The following KIF26B variants were observed in gnomAD, a reference collection of about 807,000 sequenced individuals.
KIF26B encodes the protein kinesin family member 26B.
A neutral mutation model predicts 151.2 loss-of-function variants in KIF26B; 63 were observed. The observed-to-expected ratio is 0.42, with a 90% CI of 0.34 to 0.51. The LOEUF (loss-of-function observed/expected upper bound fraction) is 0.51, where lower values mean the gene tolerates loss of function less well. Ranked by LOEUF, KIF26B falls within the 20% of genes least tolerant of loss-of-function variation. The pLI is 0.07. For synonymous variants in KIF26B, 1,357 were observed against 1,262.1 expected (o/e 1.08, Z -1.59); for missense variants, 2,813 against 2,913.6 (o/e 0.97, Z 0.79).
intron 4 of KIF26B, among the ~76,000 whole-genome samples, chr1:245,504,342 C>CCCTA (rs1405142550): frequency 1.1e-5 from 1 of 89,536 alleles, no homozygotes; most frequent in Non-Finnish European, 2.5e-5. Flanking sequence ...TTCCCTCCTT[C>CCCTA]CCTCCCTCCC....
intron 4 of KIF26B, among the ~76,000 whole-genome samples, chr1:245,501,875 T>C (rs1341107466): frequency 1.3e-5 from 2 of 152,218 alleles, no homozygotes; most frequent in Non-Finnish European, 2.9e-5. Context: ...TACATTGTGC[T>C]ACCCTGATAT....
chr1:245,544,715 T>A (rs796239584), intron 5 of KIF26B, among the ~76,000 whole-genome samples: 2 of 152,072 alleles, frequency 1.3e-5, no homozygotes, highest in Non-Finnish European at 2.9e-5. Flanking sequence ...GGAACTGCAG[T>A]GGTAGCAAAA....
chr1:245,549,126 C>CGT (rs1180008556), intron 5 of KIF26B, among the ~76,000 whole-genome samples: 1 of 151,852 alleles, frequency 6.6e-6, no homozygotes, highest in East Asian at 1.9e-4. Context: ...TGTGTGTGCA[C>CGT]GTGTGTGTGT....
At chr1:245,439,346 C>CAAAAAAAA (rs777808376) in intron 4 of KIF26B, among the ~76,000 whole-genome samples, 30 of 131,690 alleles carry the variant, frequency 2.3e-4, no homozygotes, top group Non-Finnish European at 3.0e-4. Context: ...GACCCTGTCT[C>CAAAAAAAA]AAAAAAAAAA....
intron 2 of KIF26B, among the ~76,000 whole-genome samples, chr1:245,177,266 C>T (rs920428599): frequency 1.3e-5 from 2 of 152,240 alleles, no homozygotes; most frequent in African/African-American, 4.8e-5. Context: ...GTCACTGCAC[C>T]TGTCCCATTC....
chr1:245,452,095 C>A (rs1005908203), intron 4 of KIF26B, among the ~76,000 whole-genome samples: 8 of 152,034 alleles, frequency 5.3e-5, no homozygotes, highest in Non-Finnish European at 1.0e-4. Flanking sequence ...GTAATAACTC[C>A]CCACTCTCCT....
Position 245,232,090 on chromosome 1 carries a change from T to C in KIF26B, c.465+75407T>C, listed in dbSNP as rs530870857. On this transcript the variant is annotated intron_variant, in intron 2 of 14. Coordinates refer to ENST00000407071, the MANE Select transcript of KIF26B (RefSeq NM_018012.4). ...GAAAGAGGGCTTCATGTTTCAGAGA[T>C]TAATCGGACGTATCCATCCATAAGA... Among the ~76,000 whole-genome samples the C allele has an allele frequency of 2.7e-4, 41 of 152,312 alleles. No individual in the cohort carries two copies. In the South Asian group the frequency reaches 8.3e-3, roughly 31 times the overall value.
At chr1:245,484,116 C>T (rs1002488724) in intron 4 of KIF26B, among the ~76,000 whole-genome samples, 1 of 151,756 alleles carries the variant, frequency 6.6e-6, no homozygotes, top group African/African-American at 2.4e-5. Context: ...GGTTTGATTT[C>T]TGCTTACACC....
intron 2 of KIF26B, among the ~76,000 whole-genome samples, chr1:245,240,700 T>G (rs1370824143): frequency 6.6e-6 from 1 of 152,144 alleles, no homozygotes; most frequent in Non-Finnish European, 1.5e-5. Flanking sequence ...GAAGTTTTAG[T>G]GAGATATAGC....
intron 4 of KIF26B, among the ~76,000 whole-genome samples, chr1:245,434,438 T>C (rs1658854447): frequency 6.6e-6 from 1 of 152,172 alleles, no homozygotes; most frequent in African/African-American, 2.4e-5. Flanking sequence ...TGCAGCTCCA[T>C]CACTCACCAT....
intron 2 of KIF26B, among the ~76,000 whole-genome samples, chr1:245,254,096 C>T (rs1472892591): frequency 6.6e-6 from 1 of 152,174 alleles, no homozygotes; most frequent in Non-Finnish European, 1.5e-5. Flanking sequence ...AGGCGTGAGC[C>T]ACTGCACCCA....
chr1:245,305,375 GA>G (rs1479325044), intron 2 of KIF26B, among the ~76,000 whole-genome samples: 1 of 152,134 alleles, frequency 6.6e-6, no homozygotes, highest in Non-Finnish European at 1.5e-5. Context: ...CAGAATATAT[GA>G]AAGACTCTTG....
intron 4 of KIF26B, among the ~76,000 whole-genome samples, chr1:245,531,551 A>G (rs1206647180): frequency 6.6e-6 from 1 of 152,252 alleles, no homozygotes; most frequent in Non-Finnish European, 1.5e-5. Flanking sequence ...AGCATTGTCT[A>G]GAATTCCAGG....
rs1660325292 is a variant in KIF26B at position 245,488,315 on chromosome 1, G to A, written c.1167-52452G>A. Among the ~76,000 whole-genome samples, 2 of 146,476 alleles carry A rather than the reference G, an allele frequency of 1.4e-5. No homozygotes were observed. ...AAAAAGAATCCTCTAACCATATGGG[G>A]AAAAAAAAAAATCAGCAACAACTTT... On this transcript the variant is annotated intron_variant, in intron 4 of 14. Coordinates refer to ENST00000407071, the MANE Select transcript of KIF26B (RefSeq NM_018012.4). The surrounding 1 kb of genome is among the most constrained non-coding windows in gnomAD (Gnocchi z 4.6).
chr1:245,679,693 T>A (rs1379687620), intron 10 of KIF26B, among the ~76,000 whole-genome samples: 1 of 152,084 alleles, frequency 6.6e-6, no homozygotes, highest in Non-Finnish European at 1.5e-5. Context: ...GGTCTCAAAC[T>A]CCCGATCTCA....
Position 245,698,147 on chromosome 1 carries a change from AC to A in KIF26B, c.5868del (p.Ser1957LeufsTer4). ...GCTTATCCCAGCACTATCCCTGGAC[AC>A]CTCTTCCCCTGTGAGAAAACCCCCC... is the stretch of plus-strand genomic sequence containing the variant. ...RRLIPALSLDTSSPVRKPPNS... is the reference protein window; with the variant it reads ...RRLIPALSLDXSSPVRKPPNS... On this transcript the variant is annotated frameshift_variant, in exon 13 of 15. Transcript: ENST00000407071. LOFTEE classifies it high-confidence loss of function. The surrounding 1 kb of genome is among the most constrained non-coding windows in gnomAD (Gnocchi z 4.0). The A allele has an allele frequency of 6.2e-7, 1 of 1,613,882 alleles. No individual in the cohort carries two copies. Among genetic ancestry groups the A allele is most frequent in the Non-Finnish European group, 8.5e-7 (1 of 1,179,850 alleles).
intron 2 of KIF26B, among the ~76,000 whole-genome samples, chr1:245,174,046 G>A (rs1668761234): frequency 6.6e-6 from 1 of 152,194 alleles, no homozygotes; most frequent in African/African-American, 2.4e-5. Context: ...ATGGTTCCCT[G>A]CATAGTAGTT....
chr1:245,593,852 A>G (rs1413911275), intron 5 of KIF26B, among the ~76,000 whole-genome samples: 1 of 152,152 alleles, frequency 6.6e-6, no homozygotes, highest in Non-Finnish European at 1.5e-5. Context: ...TCACTTTTTA[A>G]TGATCGCCAT....
chr1:245,287,195 G>T (rs112056765), intron 2 of KIF26B, among the ~76,000 whole-genome samples: 1 of 152,028 alleles, frequency 6.6e-6, no homozygotes, highest in East Asian at 1.9e-4. Context: ...TGCAGGTCTG[G>T]GGCTATTTTT....
Sources: gnomAD v4.1 joint callset for allele counts (sites outside exome capture counted in the v4.1 genomes callset) on GRCh38, gnomAD v4.1.1 for gene constraint, Gnocchi (gnomAD v3.1) non-coding constraint, MANE v1.5 for transcripts, NCBI Gene and HGNC (gene_info 2026-07-23, HGNC 2026-07-21) for gene names.